Variants in SPECC1L observed in about 807,000 individuals in gnomAD.
SPECC1L encodes the protein sperm antigen with calponin homology and coiled-coil domains 1 like.
In SPECC1L, 40 loss-of-function variants were observed where a neutral mutation model predicts 116.8. The observed-to-expected ratio is 0.34, with a 90% CI of 0.27 to 0.45. SPECC1L has a LOEUF of 0.45. SPECC1L is among the 20% of genes least tolerant of loss of function. The pLI is 1.00. For synonymous variants in SPECC1L, 504 were observed against 500.6 expected (o/e 1.01, Z -0.09); for missense variants, 1,110 against 1,373.6 (o/e 0.81, Z 3.03).
intron 2 of SPECC1L, among the ~76,000 whole-genome samples, chr22:24,300,013 GTTCT>G (rs1406568234): frequency 1.3e-5 from 2 of 151,876 alleles, no homozygotes; most frequent in Non-Finnish European, 2.9e-5. Context: ...CAGTTTTTTT[GTTCT>G]TTATTTAAAA....
intron 14 of SPECC1L, among the ~76,000 whole-genome samples, chr22:24,377,878 A>AT (rs1347491061): frequency 9.2e-5 from 14 of 152,336 alleles, no homozygotes; most frequent in African/African-American, 3.4e-4. Context: ...TAGATGTAGC[A>AT]TAACTCTTAA....
chr22:24,368,943 G>A lies in SPECC1L; in HGVS notation c.2985-275G>A, dbSNP rs5751854. Among the ~76,000 whole-genome samples the A allele has an allele frequency of 7.4e-3, 1,129 of 152,298 alleles. 70 individuals carry two copies. In the South Asian group the frequency reaches 0.12, roughly 16 times the overall value. ...ATTACAGGCGTGAGCCACAGCGCCC[G>A]GCACATTTTAATTTTAAATGCACTT... On this transcript the variant is annotated intron_variant, in intron 13 of 16. Coordinates refer to ENST00000314328, the MANE Select transcript of SPECC1L (RefSeq NM_015330.6).
At chr22:24,358,039 C>A (rs941410952) in intron 11 of SPECC1L, among the ~76,000 whole-genome samples, 1 of 148,640 alleles carries the variant, frequency 6.7e-6, no homozygotes, top group African/African-American at 2.5e-5. Flanking sequence ...TTTCTTTTTT[C>A]TTTGTACATC....
chr22:24,288,686 C>T (rs185344400), intron 2 of SPECC1L, among the ~76,000 whole-genome samples: 2 of 118,302 alleles, frequency 1.7e-5, no homozygotes, highest in Admixed American at 1.2e-4. Flanking sequence ...AGTGCAATGG[C>T]GTGATCTTGG....
chr22:24,372,466 C>G (rs541694982), intron 14 of SPECC1L, among the ~76,000 whole-genome samples: 7 of 152,282 alleles, frequency 4.6e-5, no homozygotes, highest in Non-Finnish European at 1.0e-4. Context: ...AAGGCTGGTT[C>G]AACATACGCA....
chr22:24,338,807 T>A (rs1250872690), intron 10 of SPECC1L, among the ~76,000 whole-genome samples: 1 of 152,192 alleles, frequency 6.6e-6, no homozygotes, highest in Non-Finnish European at 1.5e-5. Context: ...TATCTGTATT[T>A]TTCACATGTG....
chr22:24,316,272 C>A (rs1034417566), intron 4 of SPECC1L, among the ~76,000 whole-genome samples: 2 of 126,842 alleles, frequency 1.6e-5, no homozygotes, highest in Non-Finnish European at 3.3e-5. Context: ...AACAGATTTT[C>A]TTTTTATTTA....
At chr22:24,410,832 C>CT (rs2042681601) in intron 14 of SPECC1L, among the ~76,000 whole-genome samples, 2 of 152,266 alleles carry the variant, frequency 1.3e-5, no homozygotes, top group African/African-American at 4.8e-5. Flanking sequence ...CTTGGAGGAT[C>CT]TTTGACATGC....
intron 14 of SPECC1L, among the ~76,000 whole-genome samples, chr22:24,406,624 G>T (rs952824363): frequency 6.6e-6 from 1 of 152,142 alleles, no homozygotes; most frequent in African/African-American, 2.4e-5. Context: ...CTGGGTGCTG[G>T]TCACACCTGC....
intron 14 of SPECC1L, among the ~76,000 whole-genome samples, chr22:24,403,320 A>G (rs1379996132): frequency 6.6e-6 from 1 of 152,228 alleles, no homozygotes; most frequent in Non-Finnish European, 1.5e-5. Flanking sequence ...CCTGAAAAAA[A>G]CTAAGTGCAA....
intron 14 of SPECC1L, among the ~76,000 whole-genome samples, chr22:24,391,327 T>TA (rs2042271108): frequency 6.6e-6 from 1 of 152,214 alleles, no homozygotes; most frequent in South Asian, 2.1e-4. Flanking sequence ...ACAGTGTACT[T>TA]ACTGCATTCT....
At chr22:24,298,306 G>A (rs1168944751) in intron 2 of SPECC1L, among the ~76,000 whole-genome samples, 2 of 152,154 alleles carry the variant, frequency 1.3e-5, no homozygotes, top group Non-Finnish European at 2.9e-5. Context: ...TTCAACTTAC[G>A]ATATTTTTAT....
At chr22:24,388,489 T>C (rs1032543394) in intron 14 of SPECC1L, among the ~76,000 whole-genome samples, 4 of 152,052 alleles carry the variant, frequency 2.6e-5, no homozygotes, top group African/African-American at 9.7e-5. Context: ...CTATCATTGT[T>C]GGACATTTGG....
At chr22:24,314,162 A>C (rs1017374971) in intron 4 of SPECC1L, among the ~76,000 whole-genome samples, 10 of 152,032 alleles carry the variant, frequency 6.6e-5, no homozygotes, top group Admixed American at 2.6e-4. Flanking sequence ...CTCCTGCCTC[A>C]GCCTCCCGAG....
chr22:24,412,838 T>A (rs904311685), intron 16 of SPECC1L, 131 bp downstream of exon 16: 8 of 949,464 alleles, frequency 8.4e-6, no homozygotes, highest in Non-Finnish European at 1.2e-5. Flanking sequence ...TATGGGGTGC[T>A]CTGGGGCCAA....
intron 14 of SPECC1L, among the ~76,000 whole-genome samples, chr22:24,404,220 A>C (rs1408540700): frequency 6.6e-6 from 1 of 152,104 alleles, no homozygotes; most frequent in African/African-American, 2.4e-5. Flanking sequence ...TGGAGTGCTG[A>C]GGGGCTGGAT....
intron 3 of SPECC1L, 115 bp downstream of exon 3, chr22:24,302,499 C>T (rs1032285123): frequency 7.2e-7 from 1 of 1,386,704 alleles, no homozygotes; most frequent in African/African-American, 1.4e-5. Flanking sequence ...GTGCTGGGAA[C>T]ACTTGGCCTT....
rs201832371 is a variant in SPECC1L at position 24,322,043 on chromosome 22, C to T, written c.1063C>T (p.Pro355Ser). ...LDSECSEVYQPLTSSDDALDA... is the reference protein window; with the variant it reads ...LDSECSEVYQSLTSSDDALDA... ...CAGTGAGTGCAGTGAGGTCTACCAG[C>T]CCCTCACATCGAGCGATGATGCGCT... Residue 355 changes from proline to serine, a missense_variant, in exon 5 of 17, where the codon CCC becomes TCC. Pro to Ser is a moderately conservative substitution (Grantham distance 74). Around this residue, in one of 4 missense-constraint regions of SPECC1L, gnomAD observed 437 missense variants for 482.6 expected, o/e 0.91. Coordinates refer to ENST00000314328, the MANE Select transcript of SPECC1L (RefSeq NM_015330.6). The T allele has an allele frequency of 1.2e-6, 2 of 1,614,056 alleles. No individual in the cohort carries two copies. The highest frequency in any genetic ancestry group is 1.7e-6 in the Non-Finnish European group (2 of 1,180,016).
At chr22:24,387,095 G>A (rs2042175171) in intron 14 of SPECC1L, among the ~76,000 whole-genome samples, 2 of 152,132 alleles carry the variant, frequency 1.3e-5, no homozygotes, top group African/African-American at 4.8e-5. Flanking sequence ...TTTGGAAAAT[G>A]TTGGCAGTAT....
Sources: allele counts gnomAD v4.1 joint callset (sites outside exome capture counted in the v4.1 genomes callset), GRCh38; gene constraint gnomAD v4.1.1; regional missense constraint gnomAD v4.1.1; transcripts MANE v1.5; gene names NCBI Gene and HGNC (gene_info 2026-07-23, HGNC 2026-07-21).